The following GLG1 variants were observed in gnomAD, a reference collection of about 807,000 sequenced individuals.
The protein encoded by GLG1 is Golgi apparatus protein 1.
In GLG1, 38 loss-of-function variants were observed where a neutral mutation model predicts 160.5. The ratio of observed to expected loss-of-function variants is 0.24; its 90% confidence interval spans 0.18 to 0.31. GLG1 has a LOEUF of 0.31. Among genes scored for constraint, GLG1 ranks in the 10% least tolerant of loss-of-function variants. The probability of loss-of-function intolerance (pLI) is 1.00; values close to 1 mark genes in which losing one functional copy is unlikely to be tolerated. For missense variants in GLG1, 1,373 were observed against 1,505.2 expected (o/e 0.91, Z 1.45); for synonymous variants, 644 against 543.4 (o/e 1.19, Z -2.57).
intron 8 of GLG1, among the ~76,000 whole-genome samples, chr16:74,490,393 T>G (rs2015940604): frequency 6.6e-6 from 1 of 152,216 alleles, no homozygotes; most frequent in Non-Finnish European, 1.5e-5. Flanking sequence ...AACCTGCACA[T>G]GTATCCTGGA....
At chr16:74,475,965 T>C (rs2015378367) in intron 12 of GLG1, among the ~76,000 whole-genome samples, 1 of 152,164 alleles carries the variant, frequency 6.6e-6, no homozygotes, top group Admixed American at 6.5e-5. Context: ...GTGGATTGCC[T>C]GAGCTCAGGA....
intron 3 of GLG1, among the ~76,000 whole-genome samples, chr16:74,505,435 C>T (rs1335246140): frequency 6.6e-6 from 1 of 152,164 alleles, no homozygotes; most frequent in African/African-American, 2.4e-5. Flanking sequence ...AAAAGAGGGC[C>T]ATGGCTGGGC....
chr16:74,455,059 C>T (rs72791079), intron 25 of GLG1, among the ~76,000 whole-genome samples: 5,165 of 152,138 alleles, frequency 0.034, 134 homozygotes, highest in Non-Finnish European at 0.054. Context: ...ACCACTGCAC[C>T]GCAAACAAGA....
chr16:74,484,914 GGC>G (rs1047686478), intron 9 of GLG1, among the ~76,000 whole-genome samples: 2 of 152,036 alleles, frequency 1.3e-5, no homozygotes, highest in African/African-American at 4.8e-5. Flanking sequence ...CACCACGCCT[GGC>G]TTGGTTTGGT....
At position 74,471,275 on chromosome 16, in the gene GLG1, A is replaced by G. The variant is rs756212945; in HGVS notation, c.2127T>C (p.Asp709=). Residue 709 remains aspartate, a synonymous_variant, in exon 15 of 26, where the codon GAT becomes GAC. Transcript: ENST00000422840. ...IIQNFCHDVA[D]NQIDSGDLME... Reference sequence around the variant, plus strand: ...TCAGGTCCCCAGAGTCTATCTGGTTATCTGCCACATCCTGGGGAAGACAGC... The same window carrying G: ...TCAGGTCCCCAGAGTCTATCTGGTTGTCTGCCACATCCTGGGGAAGACAGC... 2.6e-6 allele frequency: 4 copies of G among 1,568,584 alleles called. No homozygotes were observed. The highest frequency in any genetic ancestry group is 2.2e-5 in the South Asian group (2 of 90,010).
At position 74,607,105 on chromosome 16, in the gene GLG1, C is replaced by T. The variant is rs1958595767; in HGVS notation, c.-11G>A. 4 of 1,516,474 alleles carry T rather than the reference C, an allele frequency of 2.6e-6. No individual in the cohort carries two copies. The highest frequency in any genetic ancestry group is 3.5e-6 in the Non-Finnish European group (4 of 1,130,220). 93.9% of individuals were successfully genotyped at this position (1,516,474 alleles called of 1,614,324 possible). ...TCCACACGCCGCCATCTTGAGTCCG[C>T]GGCGAGCTCGACGCACTCGCCGGCG... On this transcript the variant is annotated 5_prime_UTR_variant, in exon 1 of 26. Transcript: ENST00000422840.
chr16:74,549,429 G>A (rs1396223438), intron 1 of GLG1, among the ~76,000 whole-genome samples: 1 of 152,100 alleles, frequency 6.6e-6, no homozygotes, highest in East Asian at 1.9e-4. Context: ...GAGGACTACA[G>A]GCGCCCGCCA....
At chr16:74,498,841 GACA>G (rs2016306323) in intron 4 of GLG1, among the ~76,000 whole-genome samples, 1 of 89,632 alleles carries the variant, frequency 1.1e-5, no homozygotes, top group African/African-American at 4.5e-5. Context: ...CTCCAGCATA[GACA>G]ACAAGAGTGA....
chr16:74,512,160 C>CTTT lies in GLG1; in HGVS notation c.472-3238_472-3236dup, dbSNP rs71848568. Reference sequence around the variant, plus strand: ...TAATCTACTTTCTGGTCTTTTATTTCTTTTTTTTTTTTTTCTCAGACGGAG... The same window carrying CTTT: ...TAATCTACTTTCTGGTCTTTTATTTCTTTTTTTTTTTTTTTTTCTCAGACGGAG... On this transcript the variant is annotated intron_variant, in intron 2 of 25. Transcript: ENST00000422840. Among the ~76,000 whole-genome samples the CTTT allele has an allele frequency of 3.8e-4, 51 of 135,868 alleles. 6 individuals are homozygous for CTTT. The highest frequency in any genetic ancestry group is 8.8e-4 in the East Asian group (4 of 4,524). The allele number at this position is 135,868 out of a possible 152,430, so 89.1% of individuals were successfully genotyped here. A position where few individuals can be genotyped will look rare whatever the true frequency, so the allele number is the denominator to read the frequency against.
chr16:74,583,907 A>C (rs1219416448), intron 1 of GLG1, among the ~76,000 whole-genome samples: 1 of 152,194 alleles, frequency 6.6e-6, no homozygotes, highest in East Asian at 1.9e-4. Context: ...GCTGGCACAC[A>C]GTAAATAATA....
At chr16:74,526,480 T>G (rs933191774) in intron 2 of GLG1, among the ~76,000 whole-genome samples, 1 of 145,970 alleles carries the variant, frequency 6.9e-6, no homozygotes, top group Non-Finnish European at 1.5e-5. Context: ...TCCTAACACT[T>G]TGTGAGGCTG....
chr16:74,525,423 C>T (rs574619211), intron 2 of GLG1, among the ~76,000 whole-genome samples: 1 of 152,234 alleles, frequency 6.6e-6, no homozygotes, highest in South Asian at 2.1e-4. Context: ...GTTGCCCAGG[C>T]TGTGGCATGA....
Position 74,529,578 on chromosome 16 carries a change from C to T in GLG1, c.471+2543G>A, listed in dbSNP as rs543353929. ...TCTTCTCTGGATCTCTCTCTGTTGG[C>T]TACTTTATCTCTTGATATCTTCCTG... On this transcript the variant is annotated intron_variant, in intron 2 of 25. Coordinates refer to ENST00000422840, the MANE Select transcript of GLG1 (RefSeq NM_001145667.2). 2.0e-5 allele frequency among the ~76,000 whole-genome samples: 3 copies of T among 151,858 alleles called. No homozygotes were observed. In the South Asian group the frequency reaches 6.2e-4, roughly 32 times the overall value.
In GLG1 at chr16:74,459,738, C is replaced by A; in HGVS notation, c.3088G>T (p.Val1030Leu). ...EAAAQEQTGQ[V>L]EECLKVNLLK... ...AGGTTGACCTTGAGGCACTCCTCCA[C>A]CTGACCTGTCTGCTCTTGGGCTGCT... Residue 1030 changes from valine to leucine, a missense_variant, in exon 23 of 26, where the codon GTG becomes TTG. Around this residue, in one of 4 missense-constraint regions of GLG1, gnomAD observed 491 missense variants for 632.1 expected, o/e 0.78. Coordinates refer to ENST00000422840, the MANE Select transcript of GLG1 (RefSeq NM_001145667.2). 1.2e-6 allele frequency: 2 copies of A among 1,611,438 alleles called. No homozygotes were observed. The highest frequency in any genetic ancestry group is 1.7e-6 in the Non-Finnish European group (2 of 1,178,102).
intron 12 of GLG1, 110 bp downstream of exon 12, chr16:74,477,286 A>G (rs2015417112): frequency 2.3e-6 from 2 of 872,910 alleles, no homozygotes; most frequent in Admixed American, 4.4e-5. Context: ...ACAACAAATC[A>G]CATCTGTAAG....
rs375706285 is a variant in GLG1 at position 74,465,665 on chromosome 16, C to T, written c.2667+11G>A. ...TTCATCCGTGCTCGGCCTTTGGTGT[C>T]GGCTTCTCACCTTTATCATCTGCTT... On this transcript the variant is annotated intron_variant, in intron 19 of 25. Transcript: ENST00000422840. The T allele has an allele frequency of 3.5e-5, 57 of 1,612,012 alleles. No homozygotes were observed. In the Admixed American group the frequency reaches 8.1e-4, roughly 23 times the overall value.
intron 4 of GLG1, among the ~76,000 whole-genome samples, chr16:74,500,623 T>C (rs1355189247): frequency 6.6e-6 from 1 of 152,160 alleles, no homozygotes; most frequent in Non-Finnish European, 1.5e-5. Context: ...GAAAAAGGAA[T>C]ATTAGAATTA....
chr16:74,527,423 T>C (rs2017375382), intron 2 of GLG1, among the ~76,000 whole-genome samples: 2 of 151,914 alleles, frequency 1.3e-5, no homozygotes, highest in Admixed American at 1.3e-4. Context: ...CTAATTTTTA[T>C]ATTTTTAGTG....
At chr16:74,575,938 C>T (rs905818016) in intron 1 of GLG1, among the ~76,000 whole-genome samples, 5 of 152,102 alleles carry the variant, frequency 3.3e-5, no homozygotes, top group Non-Finnish European at 7.4e-5. Context: ...CGGTGGTTCA[C>T]GCCAGTAATC....
Sources: gnomAD v4.1 joint callset for allele counts (sites outside exome capture counted in the v4.1 genomes callset) on GRCh38, gnomAD v4.1.1 for gene constraint, gnomAD v4.1.1 regional missense constraint, MANE v1.5 for transcripts, NCBI Gene and HGNC (gene_info 2026-07-23, HGNC 2026-07-21) for gene names.